Variants in LRRC4C observed in about 807,000 individuals in gnomAD.
The protein encoded by LRRC4C is leucine-rich repeat-containing protein 4C.
Under a neutral mutation model 33.6 loss-of-function variants are expected in LRRC4C, and 5 were observed. The observed-to-expected ratio is 0.15, with a 90% CI of 0.08 to 0.31. The LOEUF is 0.31. Ranked by LOEUF, LRRC4C falls within the 10% of genes least tolerant of loss-of-function variation. The pLI is 1.00. For synonymous variants in LRRC4C, 329 were observed against 302.0 expected, an observed-to-expected ratio of 1.09 and a Z score of -0.93; for missense variants, 560 against 796.7, an observed-to-expected ratio of 0.70 and a Z score of 3.58.
At chr11:41,214,596 A>C (rs938813638) in intron 1 of LRRC4C, among the ~76,000 whole-genome samples, 1 of 144,846 alleles carries the variant, frequency 6.9e-6, no homozygotes, top group South Asian at 2.2e-4. Flanking sequence ...AAAAAAAAAA[A>C]AAAATTAGCC....
intron 1 of LRRC4C, among the ~76,000 whole-genome samples, chr11:41,225,883 T>A (rs1372276692): frequency 6.6e-6 from 1 of 152,046 alleles, no homozygotes; most frequent in Non-Finnish European, 1.5e-5. Flanking sequence ...TTTAATGAAT[T>A]GTGGTGGAAG....
intron 1 of LRRC4C, among the ~76,000 whole-genome samples, chr11:41,064,982 C>T (rs2135388170): frequency 6.6e-6 from 1 of 152,314 alleles, no homozygotes; most frequent in African/African-American, 2.4e-5. Flanking sequence ...AACTGGGTGG[C>T]TGTTCAGGCA....
intron 1 of LRRC4C, among the ~76,000 whole-genome samples, chr11:41,298,404 C>T (rs1345185083): frequency 6.6e-6 from 1 of 151,694 alleles, no homozygotes; most frequent in African/African-American, 2.4e-5. Context: ...GTCTGAACCC[C>T]GGAAAGTGAA....
At chr11:40,238,518 A>AT (rs1418383614) in intron 5 of LRRC4C, among the ~76,000 whole-genome samples, 2 of 152,192 alleles carry the variant, frequency 1.3e-5, no homozygotes, top group African/African-American at 2.4e-5. Context: ...TAGCAGAATC[A>AT]TTTTTTAAAA....
chr11:41,202,253 C>A (rs1946428787), intron 1 of LRRC4C, among the ~76,000 whole-genome samples: 1 of 152,122 alleles, frequency 6.6e-6, no homozygotes, highest in South Asian at 2.1e-4. Context: ...ATTGACTCAA[C>A]TTTTTCTGTT....
chr11:41,188,749 T>C (rs1487086), intron 1 of LRRC4C, among the ~76,000 whole-genome samples: 1 of 148,866 alleles, frequency 6.7e-6, no homozygotes, highest in Non-Finnish European at 1.5e-5. Context: ...TAAAGACTGG[T>C]GAAATAAATG....
chr11:40,208,576 G>GA (rs900837559), intron 5 of LRRC4C, among the ~76,000 whole-genome samples: 1 of 151,406 alleles, frequency 6.6e-6, no homozygotes, highest in Non-Finnish European at 1.5e-5. Context: ...ACAAGCAGGG[G>GA]AAAAAAAAGC....
At chr11:41,030,223 A>G (rs905658172) in intron 1 of LRRC4C, among the ~76,000 whole-genome samples, 3 of 151,904 alleles carry the variant, frequency 2.0e-5, no homozygotes, top group Admixed American at 6.6e-5. Flanking sequence ...GCAGAAAACA[A>G]TGGGACATAT....
chr11:40,791,415 G>A (rs1401072886), intron 2 of LRRC4C, among the ~76,000 whole-genome samples: 1 of 152,216 alleles, frequency 6.6e-6, no homozygotes, highest in East Asian at 1.9e-4. Context: ...TGTAGAAAAA[G>A]TAATGAACAA....
At chr11:40,976,401 T>G (rs891569766) in intron 1 of LRRC4C, among the ~76,000 whole-genome samples, 1 of 152,210 alleles carries the variant, frequency 6.6e-6, no homozygotes, top group South Asian at 2.1e-4. Context: ...GACCATGGCT[T>G]GAGGGCATTT....
At chr11:40,928,117 T>C (rs915196026) in intron 2 of LRRC4C, among the ~76,000 whole-genome samples, 2 of 151,978 alleles carry the variant, frequency 1.3e-5, no homozygotes, top group African/African-American at 4.8e-5. Context: ...TTTCTTATTG[T>C]TTCACTATCT....
In LRRC4C at chr11:41,111,348, G is replaced by T. The variant is rs1590626423; in HGVS notation, c.-495-177625C>A. On this transcript the variant is annotated intron_variant, in intron 1 of 6. Transcript: ENST00000528697. ...GTGAGAGCCCAGTGACATACAAAAG[G>T]CAGACACAGGCAGCAGTGTTCCTAG... Among the ~76,000 whole-genome samples the T allele has an allele frequency of 2.0e-5, 3 of 152,084 alleles. No homozygotes were observed. In the East Asian group the frequency reaches 5.8e-4, roughly 30 times the overall value.
chr11:41,326,169 G>T (rs1205170458), intron 1 of LRRC4C, among the ~76,000 whole-genome samples: 1 of 151,996 alleles, frequency 6.6e-6, no homozygotes, highest in African/African-American at 2.4e-5. Flanking sequence ...GAATAAAGCA[G>T]GCAGAAGAAG....
At chr11:40,832,938 T>G (rs939929688) in intron 2 of LRRC4C, among the ~76,000 whole-genome samples, 3 of 152,148 alleles carry the variant, frequency 2.0e-5, no homozygotes, top group Admixed American at 2.0e-4. Context: ...TAGAAAAACA[T>G]GCAGCTCAAC....
At chr11:40,253,648 C>T (rs770135615) in intron 4 of LRRC4C, among the ~76,000 whole-genome samples, 10 of 152,142 alleles carry the variant, frequency 6.6e-5, no homozygotes, top group African/African-American at 9.7e-5. Context: ...TGGAAATACA[C>T]GATTTATGGA....
At chr11:40,501,630 G>T (rs1357838401) in intron 3 of LRRC4C, among the ~76,000 whole-genome samples, 1 of 152,140 alleles carries the variant, frequency 6.6e-6, no homozygotes, top group Non-Finnish European at 1.5e-5. Context: ...CCCTGGAGTG[G>T]CTGGGAAGCA....
intron 2 of LRRC4C, among the ~76,000 whole-genome samples, chr11:40,831,283 C>G (rs1444030940): frequency 3.3e-5 from 5 of 152,076 alleles, no homozygotes; most frequent in Non-Finnish European, 7.4e-5. Context: ...CTGAAACTCA[C>G]AGCCTTCTGG....
chr11:41,399,837 A>T (rs1220344283), intron 1 of LRRC4C, among the ~76,000 whole-genome samples: 1 of 151,984 alleles, frequency 6.6e-6, no homozygotes, highest in Non-Finnish European at 1.5e-5. Context: ...ACTGCTCAGA[A>T]TAACCATGTT....
intron 1 of LRRC4C, among the ~76,000 whole-genome samples, chr11:41,255,521 C>A (rs545149065): frequency 6.6e-6 from 1 of 151,930 alleles, no homozygotes; most frequent in African/African-American, 2.4e-5. Context: ...ATCCATTGAC[C>A]TTTTAATCCC....
Sources: allele counts gnomAD v4.1 joint callset (sites outside exome capture counted in the v4.1 genomes callset), GRCh38; gene constraint gnomAD v4.1.1; transcripts MANE v1.5; gene names NCBI Gene and HGNC (gene_info 2026-07-23, HGNC 2026-07-21).